SDK2: variants seen among roughly 807,000 people sequenced by gnomAD.
SDK2 encodes sidekick cell adhesion molecule 2, also known as protein sidekick-2.
SDK2 carries 105 observed loss-of-function variants against 253.9 expected under a neutral mutation model. That is an observed-to-expected ratio of 0.41 (90% CI 0.35 to 0.49). SDK2 has a LOEUF of 0.49. SDK2 is among the 20% of genes least tolerant of loss of function. The pLI is 0.06. For missense variants in SDK2, 2,608 were observed against 3,003.0 expected, an observed-to-expected ratio of 0.87 and a Z score of 3.07; for synonymous variants, 1,249 against 1,234.9, an observed-to-expected ratio of 1.01 and a Z score of -0.24.
chr17:73,353,325 A>C (rs1456544452), intron 40 of SDK2, among the ~76,000 whole-genome samples: 2 of 152,216 alleles, frequency 1.3e-5, no homozygotes, highest in Non-Finnish European at 2.9e-5. Context: ...CTAAGACATT[A>C]TCATATGGGA....
chr17:73,635,516 G>C (rs2046319332), intron 1 of SDK2, among the ~76,000 whole-genome samples: 1 of 152,158 alleles, frequency 6.6e-6, no homozygotes, highest in Admixed American at 6.5e-5. Flanking sequence ...CCCAGGGAAG[G>C]GGGAAATTTC....
chr17:73,524,960 G>C (rs1355057168), intron 1 of SDK2, among the ~76,000 whole-genome samples: 1 of 152,260 alleles, frequency 6.6e-6, no homozygotes, highest in Non-Finnish European at 1.5e-5. Flanking sequence ...GGCTGCCTGG[G>C]AAAGGCCAAA....
At chr17:73,485,556 C>A (rs1162075460) in intron 2 of SDK2, among the ~76,000 whole-genome samples, 1 of 152,058 alleles carries the variant, frequency 6.6e-6, no homozygotes, top group Non-Finnish European at 1.5e-5. Flanking sequence ...TTAACCAGGG[C>A]TATAAAACAG....
intron 18 of SDK2, among the ~76,000 whole-genome samples, chr17:73,405,643 C>A (rs2063070933): frequency 6.6e-6 from 1 of 150,736 alleles, no homozygotes; most frequent in Non-Finnish European, 1.5e-5. Context: ...CCCGCAGATA[C>A]CAAAAGCCAC....
chr17:73,579,819 A>G (rs578040303), intron 1 of SDK2, among the ~76,000 whole-genome samples: 1 of 152,000 alleles, frequency 6.6e-6, no homozygotes, highest in Non-Finnish European at 1.5e-5. Context: ...TCTACTAAAA[A>G]CACAAAAATT....
At chr17:73,416,716 A>G (rs2063185446) in intron 16 of SDK2, among the ~76,000 whole-genome samples, 1 of 151,916 alleles carries the variant, frequency 6.6e-6, no homozygotes, top group Non-Finnish European at 1.5e-5. Context: ...CAGCCTCCCA[A>G]GTAGCTGGGA....
At chr17:73,547,925 T>A (rs927577519) in intron 1 of SDK2, among the ~76,000 whole-genome samples, 1 of 152,154 alleles carries the variant, frequency 6.6e-6, no homozygotes, top group African/African-American at 2.4e-5. Flanking sequence ...TCAGGAAACT[T>A]ACAATCATGG....
Position 73,405,513 on chromosome 17 carries a change from T to TGTATAA in SDK2, c.2485-3373_2485-3372insTTATAC, listed in dbSNP as rs1568385794. Among the ~76,000 whole-genome samples, 4 of 22,040 alleles carry TGTATAA rather than the reference T, an allele frequency of 1.8e-4. 1 individual carries two copies. Among genetic ancestry groups the TGTATAA allele is most frequent in the African/African-American group, 4.0e-4 (2 of 4,948 alleles). The allele number at this position is 22,040 out of a possible 152,430, so 14.5% of individuals were successfully genotyped here. ...ATATATATATATATATATATATATA[T>TGTATAA]ATATAAAGATCGAGAATGTGGAAAG... is the stretch of plus-strand genomic sequence containing the variant. On this transcript the variant is annotated intron_variant, in intron 18 of 44. Transcript: ENST00000392650.
intron 2 of SDK2, among the ~76,000 whole-genome samples, chr17:73,491,618 G>A (rs2063807064): frequency 1.3e-5 from 2 of 152,294 alleles, no homozygotes; most frequent in Non-Finnish European, 2.9e-5. Context: ...CACTGTGCCT[G>A]GCCCCTCTCT....
chr17:73,400,190 G>A (rs1301534222), intron 21 of SDK2, among the ~76,000 whole-genome samples: 1 of 152,154 alleles, frequency 6.6e-6, no homozygotes, highest in Non-Finnish European at 1.5e-5. Context: ...ATATACAGAT[G>A]GGGAAACTGA....
chr17:73,590,878 T>G (rs2045672153), intron 1 of SDK2, among the ~76,000 whole-genome samples: 1 of 152,202 alleles, frequency 6.6e-6, no homozygotes, highest in African/African-American at 2.4e-5. Context: ...AAGGCGGACA[T>G]CTTATCCAGC....
chr17:73,462,608 G>A (rs1276297823), intron 3 of SDK2, among the ~76,000 whole-genome samples: 2 of 152,104 alleles, frequency 1.3e-5, no homozygotes, highest in African/African-American at 4.8e-5. Context: ...TTACATATAT[G>A]TGCCTGTATG....
chr17:73,433,942 C>T (rs2063348094), intron 9 of SDK2, 94 bp from the exon 10 acceptor site: 1 of 760,012 alleles, frequency 1.3e-6, no homozygotes, highest in Non-Finnish European at 2.1e-6. Flanking sequence ...GAGGGCCAGG[C>T]CCTCATCCTC....
chr17:73,530,163 C>T (rs928819226), intron 1 of SDK2, among the ~76,000 whole-genome samples: 1 of 152,216 alleles, frequency 6.6e-6, no homozygotes, highest in African/African-American at 2.4e-5. Flanking sequence ...CAGTCCCCTC[C>T]TGCATTAGTC....
At chr17:73,347,137 G>C (rs984215200) in intron 44 of SDK2, among the ~76,000 whole-genome samples, 5 of 152,170 alleles carry the variant, frequency 3.3e-5, no homozygotes, top group Non-Finnish European at 7.3e-5. Context: ...TGAGGCGGGG[G>C]AACACTTGAG....
chr17:73,419,142 C>T (rs372996990), intron 16 of SDK2, 24 bp downstream of exon 16: 46 of 1,608,942 alleles, frequency 2.9e-5, no homozygotes, highest in East Asian at 1.6e-4. Flanking sequence ...GGACTGGGCT[C>T]CTGTCCCCAG....
rs563538137 is a variant in SDK2 at position 73,511,872 on chromosome 17, C to T, written c.65-4275G>A. ...AGAAGATGCTGCTGGGATAACAGAA[C>T]GTGTGGACGTGTCTATGTGTGCACG... On this transcript the variant is annotated intron_variant, in intron 1 of 44. Coordinates refer to ENST00000392650, the MANE Select transcript of SDK2 (RefSeq NM_001144952.2). The surrounding 1 kb of genome is among the most constrained non-coding windows in gnomAD (Gnocchi z 4.9). Among the ~76,000 whole-genome samples the T allele has an allele frequency of 7.8e-4, 119 of 152,182 alleles. No individual in the cohort carries two copies. The highest frequency in any genetic ancestry group is 2.5e-3 in the African/African-American group (104 of 41,500).
chr17:73,395,473 C>A lies in SDK2; in HGVS notation c.3355-81G>T, dbSNP rs908367392. ...GGAGGAACTGCCCTGCTACCCTCTC[C>A]TCCAGGGCGCCTTCAGGGCTATCCA... On this transcript the variant is annotated intron_variant, in intron 24 of 44. Coordinates refer to ENST00000392650, the MANE Select transcript of SDK2 (RefSeq NM_001144952.2). This position sits in a 1 kb window ranked among gnomAD's most constrained non-coding sequence, Gnocchi z 4.3. 9.5e-6 allele frequency: 11 copies of A among 1,157,998 alleles called. No individual in the cohort carries two copies. The highest frequency in any genetic ancestry group is 4.0e-4 in the Middle Eastern group (2 of 4,970). The allele number at this position is 1,157,998 out of a possible 1,614,324, so 71.7% of individuals were successfully genotyped here. A position where few individuals can be genotyped will look rare whatever the true frequency, so the allele number is the denominator to read the frequency against.
intron 1 of SDK2, among the ~76,000 whole-genome samples, chr17:73,561,414 C>T (rs1401724508): frequency 6.6e-6 from 1 of 152,200 alleles, no homozygotes; most frequent in Non-Finnish European, 1.5e-5. Context: ...CCTGGGAGGA[C>T]CCCAAATGGT....
Sources: gnomAD v4.1 joint callset for allele counts (sites outside exome capture counted in the v4.1 genomes callset) on GRCh38, gnomAD v4.1.1 for gene constraint, Gnocchi (gnomAD v3.1) non-coding constraint, MANE v1.5 for transcripts, NCBI Gene and HGNC (gene_info 2026-07-23, HGNC 2026-07-21) for gene names.